Variants in LGI2 observed in about 807,000 individuals in gnomAD.
LGI2 encodes leucine-rich repeat LGI family member 2.
A neutral mutation model predicts 52.0 loss-of-function variants in LGI2; 30 were observed. The observed-to-expected ratio is 0.58, with a 90% confidence interval of 0.43 to 0.78. The LOEUF is 0.78. Ranked by LOEUF, LGI2 falls within the 30% of genes least tolerant of loss-of-function variation. The pLI, the probability that LGI2 is intolerant of heterozygous loss-of-function variation, is 0.00. For synonymous variants in LGI2, 270 were observed against 271.8 expected, an observed-to-expected ratio of 0.99 and a Z score of 0.06; for missense variants, 573 against 692.5, an observed-to-expected ratio of 0.83 and a Z score of 1.94.
chr4:25,016,415 A>G (rs930404049), intron 6 of LGI2, among the ~76,000 whole-genome samples: 2 of 152,232 alleles, frequency 1.3e-5, no homozygotes, highest in Non-Finnish European at 2.9e-5. Context: ...ATTCAATTTA[A>G]TTAAATTTAG....
the LGI2 span, among the ~76,000 whole-genome samples, chr4:24,992,859 G>A: frequency 7.2e-5 from 11 of 152,076 alleles, no homozygotes; most frequent in African/African-American, 2.4e-4. Flanking sequence ...AACAAAACAT[G>A]GGCTCTAGAG....
chr4:25,013,580 C>CTT (rs1725657881), intron 6 of LGI2, among the ~76,000 whole-genome samples: 1 of 152,178 alleles, frequency 6.6e-6, no homozygotes, highest in Admixed American at 6.5e-5. Context: ...GAAAGAAGCA[C>CTT]TTTTAGTTAC....
chr4:25,024,785 A>G, intron 4 of LGI2, 35 bp downstream of exon 4: 1 of 1,440,606 alleles, frequency 6.9e-7, no homozygotes. Context: ...TACTCCACAT[A>G]TTAGAGGACT....
chr4:25,017,043 T>A (rs1725787129), intron 6 of LGI2, among the ~76,000 whole-genome samples: 1 of 152,218 alleles, frequency 6.6e-6, no homozygotes, highest in African/African-American at 2.4e-5. Flanking sequence ...TTTGGTTTTA[T>A]CTTATAACCT....
Position 25,030,524 on chromosome 4 carries a change from C to G in LGI2, c.170G>C (p.Arg57Thr). 1 of 1,596,224 alleles carries G rather than the reference C, an allele frequency of 6.3e-7. No individual in the cohort carries two copies. The highest frequency in any genetic ancestry group is 8.5e-7 in the Non-Finnish European group (1 of 1,173,152). The part of the protein sequence containing the change: ...IICVGSSWVP[R>T]IVPGDISSLS... ...GGAGCTGATGTCGCCCGGCACGATCCTGGGCACCCAGGAAGAGCCCACGCA... is the reference window on the plus strand; with the variant it reads ...GGAGCTGATGTCGCCCGGCACGATCGTGGGCACCCAGGAAGAGCCCACGCA... The change falls in exon 1 of 8, where the codon AGG (arginine) becomes ACG (threonine). Residue 57 changes from arginine to threonine, a missense_variant. Physicochemically the swap from Arg to Thr is moderately conservative, Grantham distance 71. Coordinates refer to ENST00000382114, the MANE Select transcript of LGI2 (RefSeq NM_018176.4).
chr4:24,996,541 G>A (rs760813668), downstream of LGI2, among the ~76,000 whole-genome samples: 25 of 152,276 alleles, frequency 1.6e-4, no homozygotes, highest in South Asian at 8.3e-4. Flanking sequence ...GTCACACCAC[G>A]GTGAGCAGAG....
intron 7 of LGI2, among the ~76,000 whole-genome samples, chr4:25,010,483 C>T (rs1725544089): frequency 6.6e-6 from 1 of 152,190 alleles, no homozygotes; most frequent in Non-Finnish European, 1.5e-5. Flanking sequence ...CCGCTCTGTG[C>T]ACTCAATCCT....
intron 4 of LGI2, among the ~76,000 whole-genome samples, chr4:25,024,049 C>G (rs1726062766): frequency 6.6e-6 from 1 of 152,166 alleles, no homozygotes; most frequent in African/African-American, 2.4e-5. Context: ...ATGAAAATGT[C>G]TCTATTCCAC....
At position 25,004,134 on chromosome 4, in the gene LGI2, C is replaced by T; in HGVS notation, c.955G>A (p.Glu319Lys). The T allele has an allele frequency of 6.2e-7, 1 of 1,614,156 alleles. No homozygotes were observed. The highest frequency in any genetic ancestry group is 8.5e-7 in the Non-Finnish European group (1 of 1,180,036). Residue 319 changes from glutamate to lysine, a missense_variant, in exon 8 of 8, where the codon GAG (glutamate) becomes AAG (lysine). Coordinates refer to ENST00000382114, the MANE Select transcript of LGI2 (RefSeq NM_018176.4). The surrounding 1 kb of genome is among the most constrained non-coding windows in gnomAD (Gnocchi z 4.6). ...TTGGGCTTGGAAATGCGAGAGACCT[C>T]TATGTCTTGGAATTTGACAAATTTG... ...WTKFVKFQDI[E>K]VSRISKPNDI...
chr4:25,013,454 C>A (rs543659127), intron 6 of LGI2, among the ~76,000 whole-genome samples: 1 of 152,268 alleles, frequency 6.6e-6, no homozygotes, highest in South Asian at 2.1e-4. Flanking sequence ...ACCTTCCCAT[C>A]CCCAAGTCCA....
At chr4:24,994,865 G>A (rs186164041), downstream of LGI2, among the ~76,000 whole-genome samples, 15 of 152,222 alleles carry the variant, frequency 9.9e-5, no homozygotes, top group East Asian at 1.5e-3. Context: ...TCAGAGCATC[G>A]TCATCTCCCT....
At chr4:24,996,162 A>T (rs1725071860), downstream of LGI2, among the ~76,000 whole-genome samples, 1 of 152,218 alleles carries the variant, frequency 6.6e-6, no homozygotes, top group Non-Finnish European at 1.5e-5. Flanking sequence ...TGTTTCATTA[A>T]GTATTACACT....
At chr4:25,017,921 G>A in intron 6 of LGI2, 68 bp downstream of exon 6, 1 of 1,357,614 alleles carries the variant, frequency 7.4e-7, no homozygotes. Context: ...AGTCTCTGTT[G>A]ACAGTGTAAA....
At chr4:25,025,031 A>T (rs1453290415) in intron 3 of LGI2, 140 bp from the exon 4 acceptor site, 1 of 586,068 alleles carries the variant, frequency 1.7e-6, no homozygotes, top group Non-Finnish European at 2.9e-6. Context: ...GGTCAGCTAC[A>T]CCAAATTCCA....
Position 25,006,733 on chromosome 4 carries a change from T to C in LGI2, c.821-2465A>G, listed in dbSNP as rs796241618. Among the ~76,000 whole-genome samples the C allele has an allele frequency of 3.9e-5, 6 of 152,242 alleles. No individual in the cohort carries two copies. In the East Asian group the frequency reaches 1.2e-3, roughly 29 times the overall value. The stretch of plus-strand genomic sequence containing the variant: ...CGTTATAACAACTATATGAGGCATA[T>C]ACTATTCTTAGCATCATCATCATCC... On this transcript the variant is annotated intron_variant, in intron 7 of 7. Transcript: ENST00000382114.
Position 25,003,485 on chromosome 4 carries a change from A to G in LGI2, c.1604T>C (p.Ile535Thr), listed in dbSNP as rs1371214835. 3 of 1,599,680 alleles carry G rather than the reference A, an allele frequency of 1.9e-6. No individual in the cohort carries two copies. Among genetic ancestry groups the G allele is most frequent in the East Asian group, 2.2e-5 (1 of 44,790 alleles). The change falls in exon 8 of 8, where the codon ATT (isoleucine) becomes ACT (threonine). Residue 535 changes from isoleucine (I) to threonine (T), a missense_variant. Physicochemically the swap from Ile to Thr is moderately conservative, Grantham distance 89. Transcript: ENST00000382114. ...FASSFKGKTK[I>T]FEHIIVDLSL ...TAAGTCAACAATTATATGTTCAAAA[A>G]TCTTTGTTTTCCCTTTGAAACTGGA...
In LGI2 at chr4:25,017,978, G is replaced by A. The variant is rs188268941; in HGVS notation, c.655+11C>T. On this transcript the variant is annotated intron_variant, in intron 6 of 7. Coordinates refer to ENST00000382114, the MANE Select transcript of LGI2 (RefSeq NM_018176.4). The stretch of plus-strand genomic sequence containing the variant: ...TAAATATCCGTGTCTGATGAGATAG[G>A]CTCTGAATACCTGTAGTTGTGCATT... The A allele has an allele frequency of 1.2e-6, 2 of 1,600,168 alleles. No homozygotes were observed. The highest frequency in any genetic ancestry group is 4.5e-5 in the East Asian group (2 of 44,664).
intron 3 of LGI2, among the ~76,000 whole-genome samples, chr4:25,026,370 T>A (rs1000438255): frequency 6.6e-6 from 1 of 151,882 alleles, no homozygotes; most frequent in African/African-American, 2.4e-5. Context: ...GACCTTTTTT[T>A]AAGGAAAAAA....
intron 7 of LGI2, among the ~76,000 whole-genome samples, chr4:25,008,968 A>G (rs1725480923): frequency 6.6e-6 from 1 of 152,068 alleles, no homozygotes; most frequent in Non-Finnish European, 1.5e-5. Flanking sequence ...TCCAGGCCAT[A>G]CTCGCTTGCC....
Sources: gnomAD v4.1 joint callset for allele counts (sites outside exome capture counted in the v4.1 genomes callset) on GRCh38, gnomAD v4.1.1 for gene constraint, Gnocchi (gnomAD v3.1) non-coding constraint, MANE v1.5 for transcripts, NCBI Gene and HGNC (gene_info 2026-07-23, HGNC 2026-07-21) for gene names.